Variants in SYK observed in about 807,000 individuals in gnomAD.
The protein encoded by SYK is tyrosine-protein kinase SYK.
A neutral mutation model predicts 77.8 loss-of-function variants in SYK; 16 were observed. That is an observed-to-expected ratio of 0.21 (90% CI 0.14 to 0.31). SYK has a LOEUF of 0.31. SYK is among the 10% of genes least tolerant of loss of function. The pLI is 1.00. For missense variants in SYK, 529 were observed against 814.4 expected (o/e 0.65, Z 4.26); for synonymous variants, 312 against 308.7 (o/e 1.01, Z -0.11).
chr9:90,897,280 G>A lies in SYK; in HGVS notation c.*1680G>A, dbSNP rs776553047. 6 of 229,910 alleles carry A rather than the reference G, an allele frequency of 2.6e-5. No individual in the cohort carries two copies. Among genetic ancestry groups the A allele is most frequent in the East Asian group, 1.2e-4 (2 of 16,234 alleles). The allele number at this position is 229,910 out of a possible 1,614,324, so 14.2% of individuals were successfully genotyped here. A position where few individuals can be genotyped will look rare whatever the true frequency, so the allele number is the denominator to read the frequency against. On this transcript the variant is annotated 3_prime_UTR_variant, in exon 14 of 14. Transcript: ENST00000375754. ...GTGTTTAGAAGTTTTTGGTAGCCAC[G>A]CACACTTTCTGAAATCACACTATCT...
chr9:90,817,809 C>T (rs1039193487), intron 1 of SYK, among the ~76,000 whole-genome samples: 4 of 148,612 alleles, frequency 2.7e-5, no homozygotes, highest in Non-Finnish European at 5.9e-5. Context: ...GGATGTGTTC[C>T]AGTTTACCAG....
chr9:90,822,173 GA>G (rs1417271319), intron 1 of SYK, among the ~76,000 whole-genome samples: 4 of 152,184 alleles, frequency 2.6e-5, no homozygotes, highest in African/African-American at 9.7e-5. Context: ...ACAAAGCAAG[GA>G]AATAATTTTT....
chr9:90,851,172 G>A (rs1288585136), intron 3 of SYK, among the ~76,000 whole-genome samples: 1 of 152,180 alleles, frequency 6.6e-6, no homozygotes, highest in African/African-American at 2.4e-5. Flanking sequence ...ACAGCAGCCA[G>A]CAACCAAATC....
At chr9:90,835,802 G>A (rs1826056118) in intron 1 of SYK, among the ~76,000 whole-genome samples, 1 of 152,092 alleles carries the variant, frequency 6.6e-6, no homozygotes, top group Non-Finnish European at 1.5e-5. Flanking sequence ...GCCTCCATCT[G>A]GACACACAGC....
chr9:90,855,493 C>G (rs934409671), intron 3 of SYK, among the ~76,000 whole-genome samples: 1 of 152,176 alleles, frequency 6.6e-6, no homozygotes, highest in African/African-American at 2.4e-5. Context: ...CTGGTGGACA[C>G]AACCCTTTTT....
At position 90,820,415 on chromosome 9, in the gene SYK, C is replaced by T. The variant is rs141365129; in HGVS notation, c.-42+18522C>T. On this transcript the variant is annotated intron_variant, in intron 1 of 13. Transcript: ENST00000375754. ...GCCTGGTCATCCAGGCATTTTCATACATCTTCTGAAGTCTAGGCAGAGGTT... is the reference window on the plus strand; with the variant it reads ...GCCTGGTCATCCAGGCATTTTCATATATCTTCTGAAGTCTAGGCAGAGGTT... 7.6e-3 allele frequency among the ~76,000 whole-genome samples: 1,157 copies of T among 152,364 alleles called. 9 individuals are homozygous for T. The highest frequency in any genetic ancestry group is 0.012 in the Non-Finnish European group (838 of 68,030).
At chr9:90,874,583 T>G in intron 8 of SYK, 89 bp from the exon 9 acceptor site, 1 of 1,439,596 alleles carries the variant, frequency 6.9e-7, no homozygotes, top group East Asian at 2.3e-5. Context: ...TACTCTGAGT[T>G]CATATTCCCA....
intron 7 of SYK, among the ~76,000 whole-genome samples, chr9:90,872,069 A>G (rs2118854516): frequency 6.6e-6 from 1 of 152,276 alleles, no homozygotes; most frequent in Non-Finnish European, 1.5e-5. Context: ...CTCATTCCTG[A>G]CACCCTAGTA....
chr9:90,853,978 G>A (rs1389299246), intron 3 of SYK, among the ~76,000 whole-genome samples: 2 of 152,204 alleles, frequency 1.3e-5, no homozygotes, highest in Non-Finnish European at 2.9e-5. Flanking sequence ...GATGCCTGCA[G>A]GAGAGGGAGG....
At chr9:90,823,855 A>T (rs1825592751) in intron 1 of SYK, among the ~76,000 whole-genome samples, 1 of 152,062 alleles carries the variant, frequency 6.6e-6, no homozygotes, top group Admixed American at 6.5e-5. Flanking sequence ...AGAAGAGCAA[A>T]TTAGGCCTAA....
chr9:90,820,631 C>G (rs1007155024), intron 1 of SYK, among the ~76,000 whole-genome samples: 1 of 152,000 alleles, frequency 6.6e-6, no homozygotes, highest in Non-Finnish European at 1.5e-5. Flanking sequence ...ACCCTGGGCC[C>G]AGGCCACGAA....
At chr9:90,890,530 G>C (rs1276137639) in intron 13 of SYK, among the ~76,000 whole-genome samples, 1 of 152,240 alleles carries the variant, frequency 6.6e-6, no homozygotes, top group African/African-American at 2.4e-5. Context: ...TCACAGGCAG[G>C]CAATGTCTTT....
At chr9:90,802,801 A>G (rs1826779193) in intron 1 of SYK, among the ~76,000 whole-genome samples, 1 of 127,720 alleles carries the variant, frequency 7.8e-6, no homozygotes, top group African/African-American at 2.7e-5. Context: ...AGTTCAAAGC[A>G]TTGCAGCGTG....
chr9:90,870,780 T>G (rs1827700321), intron 7 of SYK, among the ~76,000 whole-genome samples: 2 of 152,232 alleles, frequency 1.3e-5, no homozygotes, highest in South Asian at 4.1e-4. Flanking sequence ...GCAGCCAATA[T>G]TTCTAAAGCC....
At chr9:90,893,749 T>C (rs1828883205) in intron 13 of SYK, among the ~76,000 whole-genome samples, 1 of 152,142 alleles carries the variant, frequency 6.6e-6, no homozygotes, top group Non-Finnish European at 1.5e-5. Context: ...CAGCAGGGGC[T>C]CCAGATAGGC....
chr9:90,867,496 A>T (rs1827552882), intron 7 of SYK, among the ~76,000 whole-genome samples: 1 of 152,204 alleles, frequency 6.6e-6, no homozygotes, highest in African/African-American at 2.4e-5. Flanking sequence ...GTCATAGCTA[A>T]TTATCATGTC....
Position 90,808,112 on chromosome 9 carries a change from C to T in SYK, c.-42+6219C>T, listed in dbSNP as rs184442975. ...CAGTGCTGCAATGAATGCACTTTTTCTTTTCATTCTTTCCCTCTCCTTTGC... is the reference window on the plus strand; with the variant it reads ...CAGTGCTGCAATGAATGCACTTTTTTTTTTCATTCTTTCCCTCTCCTTTGC... On this transcript the variant is annotated intron_variant, in intron 1 of 13. Transcript: ENST00000375754. Among the ~76,000 whole-genome samples, 160 of 152,044 alleles carry T rather than the reference C, an allele frequency of 1.1e-3. 1 individual carries two copies. Among genetic ancestry groups the T allele is most frequent in the African/African-American group, 3.8e-3 (157 of 41,470 alleles).
Position 90,878,774 on chromosome 9 carries a change from G to A in SYK, c.1402G>A (p.Asp468Asn). The A allele has an allele frequency of 6.2e-7, 1 of 1,607,924 alleles. No homozygotes were observed. Among genetic ancestry groups the A allele is most frequent in the Non-Finnish European group, 8.5e-7 (1 of 1,174,848 alleles). Reference sequence around the variant, plus strand: ...CATTATGACTTTCAGACATGTCAAGGATAAGAACATCATAGAACTGGTTCA... The same window carrying A: ...CATTATGACTTTCAGACATGTCAAGAATAAGAACATCATAGAACTGGTTCA... ...KYLQQNRHVKDKNIIELVHQV... is the reference protein window; with the variant it reads ...KYLQQNRHVKNKNIIELVHQV... The change falls in exon 11 of 14, where the codon GAT (aspartate) becomes AAT (asparagine). Residue 468 changes from aspartate (D) to asparagine (N), a missense_variant. Physicochemically the swap from Asp to Asn is conservative, Grantham distance 23 (BLOSUM62 1). Around this residue, in one of 2 missense-constraint regions of SYK, gnomAD observed 208 missense variants for 381.3 expected, o/e 0.55. Coordinates refer to ENST00000375754, the MANE Select transcript of SYK (RefSeq NM_003177.7).
Position 90,887,741 on chromosome 9 carries a change from G to C in SYK, c.1582-8G>C. The C allele has an allele frequency of 6.3e-7, 1 of 1,594,184 alleles. No individual in the cohort carries two copies. The highest frequency in any genetic ancestry group is 8.6e-7 in the Non-Finnish European group (1 of 1,168,738). ...TTAATGGAATTTCTCCCTCTGCTTT[G>C]CTTTTAGGCCCAGACCCATGGAAAG... On this transcript the variant is annotated splice_region_variant and splice_polypyrimidine_tract_variant and intron_variant, in intron 11 of 13. Transcript: ENST00000375754.
Sources: gnomAD v4.1 joint callset for allele counts (sites outside exome capture counted in the v4.1 genomes callset) on GRCh38, gnomAD v4.1.1 for gene constraint, gnomAD v4.1.1 regional missense constraint, MANE v1.5 for transcripts, NCBI Gene and HGNC (gene_info 2026-07-23, HGNC 2026-07-21) for gene names.